NBEA: variants seen among roughly 807,000 people sequenced by gnomAD.
NBEA encodes the protein lysosomal-trafficking regulator 2.
NBEA carries 44 observed loss-of-function variants against 343.4 expected under a neutral mutation model. That is an observed-to-expected ratio of 0.13 (90% confidence interval 0.10 to 0.16). The LOEUF (loss-of-function observed/expected upper bound fraction) is 0.16. Among genes scored for constraint, NBEA ranks in the 10% least tolerant of loss-of-function variants. The pLI is 1.00. For missense variants in NBEA, 2,555 were observed against 3,631.3 expected (o/e 0.70, Z 7.62); for synonymous variants, 1,175 against 1,238.7 (o/e 0.95, Z 1.08).
intron 1 of NBEA, among the ~76,000 whole-genome samples, chr13:35,031,789 T>C (rs1378178647): frequency 6.6e-6 from 1 of 151,644 alleles, no homozygotes; most frequent in Non-Finnish European, 1.5e-5. Flanking sequence ...TTTGCTTCTC[T>C]CCCTCCTCCC....
At chr13:35,449,531 G>C (rs1298449867) in intron 39 of NBEA, among the ~76,000 whole-genome samples, 1 of 152,196 alleles carries the variant, frequency 6.6e-6, no homozygotes, top group East Asian at 1.9e-4. Context: ...AAGACCTCAG[G>C]AGAGATTTCT....
chr13:35,490,896 C>G (rs1249892401), intron 41 of NBEA, among the ~76,000 whole-genome samples: 3 of 151,806 alleles, frequency 2.0e-5, no homozygotes, highest in Non-Finnish European at 4.4e-5. Context: ...GCCATCTGGC[C>G]CCAGGCTCCA....
At chr13:35,500,608 G>A (rs1279587956) in intron 41 of NBEA, among the ~76,000 whole-genome samples, 2 of 151,854 alleles carry the variant, frequency 1.3e-5, no homozygotes, top group African/African-American at 2.4e-5. Flanking sequence ...TTGGACAAAC[G>A]ACTGGGAAGA....
intron 40 of NBEA, among the ~76,000 whole-genome samples, chr13:35,458,478 A>G (rs761714598): frequency 2.0e-5 from 3 of 152,234 alleles, no homozygotes; most frequent in Non-Finnish European, 2.9e-5. Flanking sequence ...AGCTGAGATA[A>G]TTATTGAGTT....
chr13:35,576,555 C>T (rs932386559), intron 45 of NBEA, among the ~76,000 whole-genome samples: 6 of 151,816 alleles, frequency 4.0e-5, no homozygotes, highest in African/African-American at 7.3e-5. Context: ...TTCTAAAAGC[C>T]GACTAAAATT....
At chr13:35,577,835 G>C (rs977520213) in intron 45 of NBEA, among the ~76,000 whole-genome samples, 1 of 152,232 alleles carries the variant, frequency 6.6e-6, no homozygotes, top group East Asian at 1.9e-4. Context: ...GTCATGTAAG[G>C]CTTTACAGAT....
At chr13:35,271,244 A>G (rs988685369) in intron 34 of NBEA, among the ~76,000 whole-genome samples, 2 of 152,198 alleles carry the variant, frequency 1.3e-5, no homozygotes, top group Non-Finnish European at 2.9e-5. Context: ...GCGAATTCCA[A>G]CAGACCTGCA....
intron 33 of NBEA, among the ~76,000 whole-genome samples, chr13:35,231,389 CA>C (rs2074965524): frequency 6.6e-6 from 1 of 151,618 alleles, no homozygotes; most frequent in Admixed American, 6.6e-5. Flanking sequence ...ACCTTTTTTT[CA>C]TTTATAAATT....
At chr13:35,018,725 T>G (rs539141598) in intron 1 of NBEA, among the ~76,000 whole-genome samples, 3 of 152,312 alleles carry the variant, frequency 2.0e-5, no homozygotes, top group Non-Finnish European at 4.4e-5. Flanking sequence ...TTTATGCCTT[T>G]AATTTATTCA....
At chr13:34,984,330 A>G (rs1421182570) in intron 1 of NBEA, among the ~76,000 whole-genome samples, 2 of 152,028 alleles carry the variant, frequency 1.3e-5, no homozygotes, top group Admixed American at 6.6e-5. Context: ...GTTTTTGACA[A>G]CTTTCTCAAA....
chr13:35,408,818 G>T (rs1471390028), intron 38 of NBEA, among the ~76,000 whole-genome samples: 1 of 152,140 alleles, frequency 6.6e-6, no homozygotes, highest in East Asian at 1.9e-4. Flanking sequence ...ACACCCGTCA[G>T]AATATGGCTA....
chr13:35,583,877 A>C (rs1158158033), intron 45 of NBEA, 21 bp from the exon 46 acceptor site: 7 of 1,591,430 alleles, frequency 4.4e-6, no homozygotes, highest in Non-Finnish European at 6.0e-6. Flanking sequence ...ATTAAACAAA[A>C]TATTTTTTTT....
At chr13:35,549,254 A>G (rs913433228) in intron 41 of NBEA, among the ~76,000 whole-genome samples, 1 of 152,232 alleles carries the variant, frequency 6.6e-6, no homozygotes, top group African/African-American at 2.4e-5. Flanking sequence ...TACATATTTT[A>G]TGTATATTTC....
At chr13:35,642,032 C>A (rs1256911299) in intron 49 of NBEA, among the ~76,000 whole-genome samples, 2 of 152,124 alleles carry the variant, frequency 1.3e-5, no homozygotes, top group African/African-American at 4.8e-5. Context: ...ACAAGCAAAT[C>A]TATATTTTCA....
At chr13:34,943,505 G>A (rs192875813) in intron 1 of NBEA, among the ~76,000 whole-genome samples, 1 of 152,114 alleles carries the variant, frequency 6.6e-6, no homozygotes, top group Non-Finnish European at 1.5e-5. Context: ...GTCGCTCTCC[G>A]AGGATGACAG....
chr13:35,294,248 CTT>C (rs919577927), intron 35 of NBEA, among the ~76,000 whole-genome samples: 6 of 140,520 alleles, frequency 4.3e-5, no homozygotes, highest in Non-Finnish European at 9.4e-5. Context: ...AAAGAACAAT[CTT>C]TTTTTTTTTT....
intron 38 of NBEA, among the ~76,000 whole-genome samples, chr13:35,407,543 C>T (rs1270526789): frequency 6.6e-6 from 1 of 151,012 alleles, no homozygotes; most frequent in African/African-American, 2.4e-5. Context: ...GGCTGTAAGC[C>T]TCTGATAAGA....
chr13:35,422,086 T>G (rs1356659983), intron 38 of NBEA, among the ~76,000 whole-genome samples: 2 of 77,904 alleles, frequency 2.6e-5, no homozygotes, highest in Non-Finnish European at 5.0e-5. Context: ...ATTTTTTTGT[T>G]TGTTTGTTTT....
chr13:35,574,385 AAAAAG>A (rs1183538890), intron 45 of NBEA, among the ~76,000 whole-genome samples: 1 of 128,092 alleles, frequency 7.8e-6, no homozygotes, highest in Non-Finnish European at 1.6e-5. Flanking sequence ...ACTATCAAAA[AAAAAG>A]AAAAACAAAA....
Sources: gnomAD v4.1 joint callset for allele counts (sites outside exome capture counted in the v4.1 genomes callset) on GRCh38, gnomAD v4.1.1 for gene constraint, MANE v1.5 for transcripts, NCBI Gene and HGNC (gene_info 2026-07-23, HGNC 2026-07-21) for gene names.